The following TFDP2 variants were observed in gnomAD, a reference collection of about 807,000 sequenced individuals.
TFDP2 encodes transcription factor Dp-2 (E2F dimerization partner 2).
Under a neutral mutation model 59.3 loss-of-function variants are expected in TFDP2, and 17 were observed. The ratio of observed to expected loss-of-function variants is 0.29; its 90% CI spans 0.20 to 0.43. The LOEUF (loss-of-function observed/expected upper bound fraction) is 0.43. TFDP2 is among the 20% of genes least tolerant of loss of function. TFDP2 has a pLI of 1.00. For missense variants in TFDP2, 391 were observed against 528.8 expected, an observed-to-expected ratio of 0.74 and a Z score of 2.56; for synonymous variants, 180 against 194.7, an observed-to-expected ratio of 0.92 and a Z score of 0.63.
At chr3:142,038,707 C>T (rs1051003709) in intron 3 of TFDP2, among the ~76,000 whole-genome samples, 1 of 152,008 alleles carries the variant, frequency 6.6e-6, no homozygotes, top group Admixed American at 6.6e-5. Flanking sequence ...TTTGTGTACA[C>T]ATATCGAGTC....
chr3:142,114,710 A>G (rs2061788972), intron 1 of TFDP2, among the ~76,000 whole-genome samples: 1 of 151,984 alleles, frequency 6.6e-6, no homozygotes, highest in African/African-American at 2.4e-5. Flanking sequence ...AGGAAAGTTG[A>G]ATGATGTATG....
intron 3 of TFDP2, among the ~76,000 whole-genome samples, chr3:142,038,736 T>C (rs1205327047): frequency 6.6e-6 from 1 of 152,126 alleles, no homozygotes; most frequent in Non-Finnish European, 1.5e-5. Context: ...ATACATATTT[T>C]TTTTTACAAA....
intron 1 of TFDP2, among the ~76,000 whole-genome samples, chr3:142,107,965 T>C (rs1484662153): frequency 6.6e-6 from 1 of 152,148 alleles, no homozygotes; most frequent in African/African-American, 2.4e-5. Context: ...TGCCATAGAA[T>C]TTTTCTCCTT....
At chr3:142,069,257 T>C (rs536913800) in intron 3 of TFDP2, among the ~76,000 whole-genome samples, 1 of 152,316 alleles carries the variant, frequency 6.6e-6, no homozygotes, top group African/African-American at 2.4e-5. Context: ...TCTATATTTG[T>C]ACATAGCCTT....
Position 142,061,483 on chromosome 3 carries a change from T to G in TFDP2, c.82+31578A>C, listed in dbSNP as rs533794236. On this transcript the variant is annotated intron_variant, in intron 3 of 12. Coordinates refer to ENST00000489671, the MANE Select transcript of TFDP2 (RefSeq NM_001178139.2). ...AGATGTTTCTGGAAGAGACTAGCAT[T>G]TGAATCAGTAGAGTGAATAAAGAAA... is the stretch of plus-strand genomic sequence containing the variant. 3.3e-5 allele frequency among the ~76,000 whole-genome samples: 5 copies of G among 152,198 alleles called. No individual in the cohort carries two copies. The South Asian group carries it at 1.0e-3, about 32-fold the overall frequency.
At chr3:141,991,019 C>T (rs1942706095) in intron 6 of TFDP2, among the ~76,000 whole-genome samples, 1 of 152,154 alleles carries the variant, frequency 6.6e-6, no homozygotes, top group African/African-American at 2.4e-5. Context: ...GATCACACCA[C>T]TGCACTCCAG....
chr3:142,018,643 C>T (rs1945331296), intron 3 of TFDP2, among the ~76,000 whole-genome samples: 1 of 151,906 alleles, frequency 6.6e-6, no homozygotes, highest in African/African-American at 2.4e-5. Context: ...CAGGGTCTCA[C>T]CATGTTGCCC....
chr3:142,101,973 G>T, intron 1 of TFDP2, 132 bp from the exon 2 acceptor site: 1 of 392,534 alleles, frequency 2.5e-6, no homozygotes, highest in East Asian at 3.5e-5. Context: ...ACACTATGAG[G>T]TTTGTACCAT....
At chr3:141,995,765 C>A (rs1180828801) in intron 4 of TFDP2, among the ~76,000 whole-genome samples, 1 of 151,572 alleles carries the variant, frequency 6.6e-6, no homozygotes, top group Non-Finnish European at 1.5e-5. Flanking sequence ...CGCCTGTAAT[C>A]CCAGCTACAT....
chr3:142,006,643 A>G (rs112577531), intron 3 of TFDP2, among the ~76,000 whole-genome samples: 2 of 151,602 alleles, frequency 1.3e-5, no homozygotes, highest in African/African-American at 2.4e-5. Context: ...TAACTTTTTT[A>G]TTTTGTAGAG....
intron 1 of TFDP2, among the ~76,000 whole-genome samples, chr3:142,123,259 C>G (rs551932798): frequency 6.6e-6 from 1 of 152,124 alleles, no homozygotes; most frequent in Non-Finnish European, 1.5e-5. Flanking sequence ...CTCAGCCTCC[C>G]GAGTAGCTGG....
chr3:142,070,189 G>A (rs1316144402), intron 3 of TFDP2, among the ~76,000 whole-genome samples: 1 of 152,196 alleles, frequency 6.6e-6, no homozygotes, highest in African/African-American at 2.4e-5. Flanking sequence ...TTATAGGCGT[G>A]AGCCACCGCA....
rs1016787088 is a variant in TFDP2, at chr3:141,999,737, CT to C, written c.187-4597del. On this transcript the variant is annotated intron_variant, in intron 4 of 12. Transcript: ENST00000489671. ...GGGTGAGTTTGTAATGCAAGAATTCCTTTTTTTTTTTTTTTTGAGACGGAGT... is the reference window on the plus strand; with the variant it reads ...GGGTGAGTTTGTAATGCAAGAATTCCTTTTTTTTTTTTTTTGAGACGGAGT... Among the ~76,000 whole-genome samples the C allele has an allele frequency of 2.6e-3, 361 of 140,086 alleles. 1 individual carries two copies. Among genetic ancestry groups the C allele is most frequent in the Middle Eastern group, 3.6e-3 (1 of 278 alleles). The allele number at this position is 140,086 out of a possible 152,430, so 91.9% of individuals were successfully genotyped here.
chr3:142,035,690 G>T (rs1946662592), intron 3 of TFDP2, among the ~76,000 whole-genome samples: 1 of 152,142 alleles, frequency 6.6e-6, no homozygotes, highest in Non-Finnish European at 1.5e-5. Flanking sequence ...AATCATGGGG[G>T]CAGGTCTTTC....
At chr3:141,967,313 A>G (rs1162681991) in intron 9 of TFDP2, among the ~76,000 whole-genome samples, 1 of 142,870 alleles carries the variant, frequency 7.0e-6, no homozygotes. Context: ...TTTTTTTGAG[A>G]CAGAGTTTCG....
rs2062039400 is a variant in TFDP2, at chr3:142,121,373, A to G, written c.-92-19532T>C. ...ATGCTAAAATACTACGACACTAGACAGATATTCGGGGCACTATGGAAGCAC... is the reference window on the plus strand; with the variant it reads ...ATGCTAAAATACTACGACACTAGACGGATATTCGGGGCACTATGGAAGCAC... On this transcript the variant is annotated intron_variant, in intron 1 of 12. Transcript: ENST00000489671. This position sits in a 1 kb window ranked among gnomAD's most constrained non-coding sequence, Gnocchi z 4.3. 6.6e-6 allele frequency among the ~76,000 whole-genome samples: 1 copy of G among 152,190 alleles called. No homozygotes were observed. Among genetic ancestry groups the G allele is most frequent in the Non-Finnish European group, 1.5e-5 (1 of 68,026 alleles).
intron 3 of TFDP2, among the ~76,000 whole-genome samples, chr3:142,078,036 G>A (rs968703132): frequency 2.0e-5 from 3 of 152,144 alleles, no homozygotes; most frequent in African/African-American, 4.8e-5. Flanking sequence ...CCTGGAAGTG[G>A]CCTCTCAGTA....
chr3:141,958,801 G>A (rs928102237), intron 11 of TFDP2, among the ~76,000 whole-genome samples: 1 of 152,050 alleles, frequency 6.6e-6, no homozygotes, highest in African/African-American at 2.4e-5. Context: ...GTGAATCCAG[G>A]TTTACCCCGT....
chr3:142,077,405 A>G (rs2060496240), intron 3 of TFDP2, among the ~76,000 whole-genome samples: 1 of 152,092 alleles, frequency 6.6e-6, no homozygotes, highest in African/African-American at 2.4e-5. Context: ...CACAGCTCCA[A>G]CCTGAAAAAG....
Sources: gnomAD v4.1 joint callset for allele counts (sites outside exome capture counted in the v4.1 genomes callset) on GRCh38, gnomAD v4.1.1 for gene constraint, Gnocchi (gnomAD v3.1) non-coding constraint, MANE v1.5 for transcripts, NCBI Gene and HGNC (gene_info 2026-07-23, HGNC 2026-07-21) for gene names.